Variants in BCL9 observed in about 807,000 individuals in gnomAD.
BCL9 encodes the protein BCL9 transcription coactivator, also known as B-cell CLL/lymphoma 9 protein.
In BCL9, 25 loss-of-function variants were observed where a neutral mutation model predicts 88.5. The observed-to-expected ratio is 0.28, with a 90% CI of 0.21 to 0.39. BCL9 has a LOEUF of 0.39. BCL9 is among the 10% of genes least tolerant of loss of function. The probability of loss-of-function intolerance (pLI) is 1.00; values close to 1 mark genes in which losing one functional copy is unlikely to be tolerated. For synonymous variants in BCL9, 711 were observed against 673.3 expected (o/e 1.06, Z -0.87); for missense variants, 1,817 against 1,877.8 (o/e 0.97, Z 0.60).
chr1:147,577,785 G>A (rs1259393113), intron 1 of BCL9, among the ~76,000 whole-genome samples: 5 of 151,196 alleles, frequency 3.3e-5, no homozygotes, highest in African/African-American at 4.9e-5. Flanking sequence ...GCCATTCTCC[G>A]AGTCTACCAT....
chr1:147,550,711 T>C (rs1654856563), intron 1 of BCL9, among the ~76,000 whole-genome samples: 1 of 152,220 alleles, frequency 6.6e-6, no homozygotes, highest in Non-Finnish European at 1.5e-5. Flanking sequence ...TTCCTATGCT[T>C]CCCTGTTCTG....
chr1:147,562,986 T>C (rs1385202583), intron 1 of BCL9, among the ~76,000 whole-genome samples: 1 of 152,206 alleles, frequency 6.6e-6, no homozygotes, highest in Non-Finnish European at 1.5e-5. Context: ...CACACTGGCC[T>C]TTTTTCAGTT....
In BCL9 at chr1:147,624,305, C is replaced by G; in HGVS notation, c.3627C>G (p.Asn1209Lys). The G allele has an allele frequency of 6.2e-7, 1 of 1,614,138 alleles. No homozygotes were observed. Among genetic ancestry groups the G allele is most frequent in the Non-Finnish European group, 8.5e-7 (1 of 1,179,992 alleles). The change falls in exon 10 of 10, where the codon AAC becomes AAG. Residue 1209 changes from asparagine (N) to lysine (K), a missense_variant. By Grantham distance (94) the Asn-to-Lys change is moderately conservative. Coordinates refer to ENST00000234739, the MANE Select transcript of BCL9 (RefSeq NM_004326.4). The surrounding 1 kb of genome is among the most constrained non-coding windows in gnomAD (Gnocchi z 4.4). ...GGPDSFTVLG[N>K]SMPSVFTDPD... Reference sequence around the variant, plus strand: ...CTGACTCCTTCACTGTCCTGGGGAACAGCATGCCTTCGGTGTTTACAGACC... The same window carrying G: ...CTGACTCCTTCACTGTCCTGGGGAAGAGCATGCCTTCGGTGTTTACAGACC...
At chr1:147,570,336 A>G (rs1483079716) in intron 1 of BCL9, among the ~76,000 whole-genome samples, 2 of 152,202 alleles carry the variant, frequency 1.3e-5, no homozygotes, top group Non-Finnish European at 2.9e-5. Context: ...CATGTCAGGA[A>G]GAGAACTTCA....
chr1:147,624,318 G>A lies in BCL9; in HGVS notation c.3640G>A (p.Val1214Met), dbSNP rs1553206068. ...FTVLGNSMPS[V>M]FTDPDLQEVI... ...TGTCCTGGGGAACAGCATGCCTTCG[G>A]TGTTTACAGACCCAGATCTGCAGGA... The change falls in exon 10 of 10, where the codon GTG (valine) becomes ATG (methionine). Residue 1214 changes from valine to methionine, a missense_variant. Transcript: ENST00000234739. The surrounding 1 kb of genome is among the most constrained non-coding windows in gnomAD (Gnocchi z 4.4). 2 of 1,614,152 alleles carry A rather than the reference G, an allele frequency of 1.2e-6. No individual in the cohort carries two copies. The highest frequency in any genetic ancestry group is 1.7e-6 in the Non-Finnish European group (2 of 1,180,026).
rs1553204273 is a variant in BCL9, at chr1:147,618,853, C to G, written c.698C>G (p.Pro233Arg). The stretch of plus-strand genomic sequence containing the variant: ...TCTGCCCTTCGGAATGATCCGAAAC[C>G]TCTCCCACAACAGCCCCCAGCTCCG... ...QISALRNDPK[P>R]LPQQPPAPAN... is the part of the protein sequence containing the mutation. The change falls in exon 8 of 10, where the codon CCT becomes CGT. Residue 233 changes from proline to arginine, a missense_variant. By Grantham distance (103) the Pro-to-Arg change is moderately radical. Coordinates refer to ENST00000234739, the MANE Select transcript of BCL9 (RefSeq NM_004326.4). 1 of 1,586,194 alleles carries G rather than the reference C, an allele frequency of 6.3e-7. No homozygotes were observed. Among genetic ancestry groups the G allele is most frequent in the South Asian group, 1.2e-5 (1 of 86,412 alleles).
rs1216022985 is a variant in BCL9, at chr1:147,625,222, A to G, written c.*263A>G. ...GACTTGGGTATCAATGATGGCACCT[A>G]CTTTTGGGAATCTGTAGCTGTGCTT... On this transcript the variant is annotated 3_prime_UTR_variant, in exon 10 of 10. Coordinates refer to ENST00000234739, the MANE Select transcript of BCL9 (RefSeq NM_004326.4). 1.9e-5 allele frequency: 8 copies of G among 414,666 alleles called. No homozygotes were observed. Among genetic ancestry groups the G allele is most frequent in the Non-Finnish European group, 3.5e-5 (8 of 231,604 alleles). The allele number at this position is 414,666 out of a possible 1,614,324, so 25.7% of individuals were successfully genotyped here.
intron 1 of BCL9, among the ~76,000 whole-genome samples, chr1:147,546,933 T>G (rs946630764): frequency 2.6e-5 from 4 of 152,184 alleles, no homozygotes; most frequent in African/African-American, 9.6e-5. Context: ...AAGTATGAAT[T>G]TAAAATGGAC....
At chr1:147,551,360 G>A (rs782511672) in intron 1 of BCL9, among the ~76,000 whole-genome samples, 7 of 152,170 alleles carry the variant, frequency 4.6e-5, no homozygotes, top group African/African-American at 7.2e-5. Flanking sequence ...CTTGTTAAGG[G>A]CAGTACTTCT....
At chr1:147,588,583 T>G (rs1396874503) in intron 1 of BCL9, among the ~76,000 whole-genome samples, 2 of 152,072 alleles carry the variant, frequency 1.3e-5, no homozygotes, top group Non-Finnish European at 2.9e-5. Context: ...CTCCCAGAAG[T>G]GCTATCCATG....
intron 4 of BCL9, among the ~76,000 whole-genome samples, chr1:147,612,389 A>C (rs1333348225): frequency 6.6e-6 from 1 of 152,122 alleles, no homozygotes; most frequent in African/African-American, 2.4e-5. Flanking sequence ...GCTTGTTGGG[A>C]GGGATTAGTA....
At chr1:147,568,649 A>T (rs782064746) in intron 1 of BCL9, among the ~76,000 whole-genome samples, 4 of 152,194 alleles carry the variant, frequency 2.6e-5, no homozygotes, top group African/African-American at 9.6e-5. Context: ...ACTATTAACA[A>T]TCTCCTTCTC....
At chr1:147,622,726 ATTTG>A (rs1658708834) in intron 9 of BCL9, among the ~76,000 whole-genome samples, 195 bp downstream of exon 9, 4 of 152,218 alleles carry the variant, frequency 2.6e-5, no homozygotes, top group African/African-American at 9.6e-5. Flanking sequence ...TTGATTCCTT[ATTTG>A]TTTGTAAGAA....
At chr1:147,560,606 T>TAA (rs781932914) in intron 1 of BCL9, among the ~76,000 whole-genome samples, 2,206 of 141,570 alleles carry the variant, frequency 0.016, 26 homozygotes, top group Non-Finnish European at 0.022. Flanking sequence ...AGACTTCATC[T>TAA]AAAAAAAAAA....
chr1:147,541,653 A>G lies in BCL9; in HGVS notation c.-499A>G, dbSNP rs1215463452. On this transcript the variant is annotated 5_prime_UTR_variant, in exon 1 of 10. Coordinates refer to ENST00000234739, the MANE Select transcript of BCL9 (RefSeq NM_004326.4). ...CCCTCAGTTTCTGAAATGATTCTCC[A>G]GAATTTCTCCTCATAAAAAAGGTAA... 1 of 152,030 alleles carries G rather than the reference A, an allele frequency of 6.6e-6. No homozygotes were observed. The highest frequency in any genetic ancestry group is 1.5e-5 in the Non-Finnish European group (1 of 68,014). 9.4% of individuals were successfully genotyped at this position (152,030 alleles called of 1,614,324 possible).
chr1:147,572,935 GTTCA>G (rs1553197601), intron 1 of BCL9, among the ~76,000 whole-genome samples: 1 of 152,168 alleles, frequency 6.6e-6, no homozygotes, highest in East Asian at 1.9e-4. Flanking sequence ...CTGGGGCTTT[GTTCA>G]TTCATTTTTG....
chr1:147,619,295 C>A lies in BCL9; in HGVS notation c.1140C>A (p.Phe380Leu). Residue 380 changes from phenylalanine to leucine, a missense_variant, in exon 8 of 10, where the codon TTC (phenylalanine) becomes TTA (leucine). Physicochemically the swap from Phe to Leu is conservative, Grantham distance 22. Coordinates refer to ENST00000234739, the MANE Select transcript of BCL9 (RefSeq NM_004326.4). This position sits in a 1 kb window ranked among gnomAD's most constrained non-coding sequence, Gnocchi z 4.1. ...TGCTTTTTCCTGATGAGAAAGAATT[C>A]ACAGGAGCACAAAGTGGGGGACCGC... ...QRMLFPDEKE[F>L]TGAQSGGPQQ... 1 of 1,614,076 alleles carries A rather than the reference C, an allele frequency of 6.2e-7. No individual in the cohort carries two copies. The highest frequency in any genetic ancestry group is 8.5e-7 in the Non-Finnish European group (1 of 1,180,034).
At chr1:147,557,759 T>C (rs1470513842) in intron 1 of BCL9, among the ~76,000 whole-genome samples, 1 of 152,216 alleles carries the variant, frequency 6.6e-6, no homozygotes, top group African/African-American at 2.4e-5. Flanking sequence ...TAGGATCCCA[T>C]GGGTGCAAAC....
chr1:147,592,419 T>C (rs1656884514), intron 1 of BCL9, among the ~76,000 whole-genome samples: 1 of 152,210 alleles, frequency 6.6e-6, no homozygotes, highest in South Asian at 2.1e-4. Flanking sequence ...GCTTCAAAAT[T>C]AGCCTTTTCT....
Sources: allele counts gnomAD v4.1 joint callset (sites outside exome capture counted in the v4.1 genomes callset), GRCh38; gene constraint gnomAD v4.1.1; non-coding constraint Gnocchi (gnomAD v3.1); transcripts MANE v1.5; gene names NCBI Gene and HGNC (gene_info 2026-07-23, HGNC 2026-07-21).